Variants in ROBO1 observed in about 807,000 individuals in gnomAD.
ROBO1 encodes the protein roundabout homolog 1.
A neutral mutation model predicts 195.9 loss-of-function variants in ROBO1; 149 were observed. The observed-to-expected ratio is 0.76, with a 90% CI of 0.67 to 0.87. The LOEUF (loss-of-function observed/expected upper bound fraction) is 0.87. Among genes scored for constraint, ROBO1 ranks in the 40% least tolerant of loss-of-function variants. The pLI is 0.00. For synonymous variants in ROBO1, 816 were observed against 733.2 expected (o/e 1.11, Z -1.82); for missense variants, 1,933 against 2,068.3 (o/e 0.93, Z 1.27).
chr3:79,502,494 C>T (rs557627087), intron 2 of ROBO1, among the ~76,000 whole-genome samples: 7 of 152,118 alleles, frequency 4.6e-5, no homozygotes, highest in African/African-American at 1.7e-4. Context: ...AGTCTCCCCC[C>T]GCCCCTTCCC....
chr3:79,345,516 C>T (rs972045884), intron 2 of ROBO1, among the ~76,000 whole-genome samples: 3 of 152,096 alleles, frequency 2.0e-5, no homozygotes, highest in African/African-American at 7.2e-5. Context: ...TCACTTTTTA[C>T]TGCAGGGTCT....
chr3:79,698,881 A>G (rs1947525349), intron 1 of ROBO1, among the ~76,000 whole-genome samples: 1 of 151,544 alleles, frequency 6.6e-6, no homozygotes, highest in Admixed American at 6.6e-5. Context: ...GGAGATGTTG[A>G]AAGTGCTGAT....
At chr3:78,925,048 T>C (rs1440797406) in intron 4 of ROBO1, among the ~76,000 whole-genome samples, 2 of 152,056 alleles carry the variant, frequency 1.3e-5, no homozygotes, top group African/African-American at 2.4e-5. Flanking sequence ...TGCCTTTTAA[T>C]TGAGTTTCAA....
intron 3 of ROBO1, among the ~76,000 whole-genome samples, chr3:79,028,073 A>C (rs1262944660): frequency 1.3e-5 from 2 of 152,074 alleles, no homozygotes; most frequent in African/African-American, 4.8e-5. Flanking sequence ...ATTGTTAAGC[A>C]TACATACTAA....
chr3:79,564,740 C>T (rs1188838657), intron 2 of ROBO1, among the ~76,000 whole-genome samples: 2 of 151,960 alleles, frequency 1.3e-5, no homozygotes, highest in Non-Finnish European at 2.9e-5. Context: ...AATATATTGT[C>T]AATGGCTTGG....
intron 4 of ROBO1, among the ~76,000 whole-genome samples, chr3:78,801,576 TG>T (rs1332796512): frequency 1.3e-5 from 2 of 152,070 alleles, no homozygotes; most frequent in Non-Finnish European, 2.9e-5. Flanking sequence ...AAAATATAAT[TG>T]CTGTAAATGG....
chr3:79,104,593 C>G (rs536533530), intron 3 of ROBO1, among the ~76,000 whole-genome samples: 3 of 151,618 alleles, frequency 2.0e-5, no homozygotes, highest in Non-Finnish European at 3.0e-5. Flanking sequence ...GCATGAGTCA[C>G]TTGTCCAGCG....
chr3:79,449,010 G>A (rs938874498), intron 2 of ROBO1, among the ~76,000 whole-genome samples: 1 of 152,042 alleles, frequency 6.6e-6, no homozygotes. Flanking sequence ...CAGGAGGATC[G>A]CTTGAGACCA....
intron 5 of ROBO1, among the ~76,000 whole-genome samples, chr3:78,720,950 T>TGGGGGGGGGG (rs1218794618): frequency 7.8e-6 from 1 of 127,766 alleles, no homozygotes; most frequent in African/African-American, 3.0e-5. Context: ...GTTGTGGGGT[T>TGGGGGGGGGG]GGGGGGGGGG....
chr3:78,972,036 G>C (rs956881214), intron 3 of ROBO1, among the ~76,000 whole-genome samples: 1 of 152,206 alleles, frequency 6.6e-6, no homozygotes, highest in African/African-American at 2.4e-5. Context: ...AAAGTGCTGG[G>C]ATTACAGGCG....
chr3:78,985,513 T>C (rs1268197336), intron 3 of ROBO1, among the ~76,000 whole-genome samples: 1 of 152,152 alleles, frequency 6.6e-6, no homozygotes, highest in Non-Finnish European at 1.5e-5. Context: ...CTGGCCCCAG[T>C]GTTGTTCTAG....
chr3:79,401,285 G>A (rs1035197279), intron 2 of ROBO1, among the ~76,000 whole-genome samples: 5 of 151,868 alleles, frequency 3.3e-5, no homozygotes, highest in South Asian at 2.1e-4. Flanking sequence ...GATCTAAGAC[G>A]TGTGGCTAAT....
At position 79,389,074 on chromosome 3, in the gene ROBO1, A is replaced by G. The variant is rs144266541; in HGVS notation, c.88+200750T>C. On this transcript the variant is annotated intron_variant, in intron 2 of 30. Coordinates refer to ENST00000464233, the MANE Select transcript of ROBO1 (RefSeq NM_002941.4). ...ATATATTTAGTATGATTTCAAGTAT[A>G]CTCTAAAATTTGGATGGGAGCAAGA... Among the ~76,000 whole-genome samples the G allele has an allele frequency of 2.1e-3, 317 of 152,130 alleles. 1 individual carries two copies. The highest frequency in any genetic ancestry group is 7.2e-3 in the African/African-American group (301 of 41,548).
At chr3:79,514,847 A>C (rs1328880695) in intron 2 of ROBO1, among the ~76,000 whole-genome samples, 1 of 152,314 alleles carries the variant, frequency 6.6e-6, no homozygotes, top group East Asian at 1.9e-4. Context: ...CTTTTATGGA[A>C]TCTAAGGAAA....
intron 4 of ROBO1, among the ~76,000 whole-genome samples, chr3:78,899,369 ACTG>A (rs2037446975): frequency 6.6e-6 from 1 of 152,218 alleles, no homozygotes; most frequent in East Asian, 1.9e-4. Context: ...AATAGAAGTG[ACTG>A]CTATTAAATG....
At chr3:79,419,804 T>C (rs1488360881) in intron 2 of ROBO1, among the ~76,000 whole-genome samples, 4 of 152,146 alleles carry the variant, frequency 2.6e-5, no homozygotes, top group Non-Finnish European at 5.9e-5. Flanking sequence ...ATTTGGATTT[T>C]TATTAAATAG....
intron 21 of ROBO1, among the ~76,000 whole-genome samples, chr3:78,642,287 A>G (rs970530947): frequency 4.6e-5 from 7 of 152,160 alleles, no homozygotes; most frequent in African/African-American, 1.7e-4. Context: ...TTCTCTTGCT[A>G]TTCCAATCAC....
intron 4 of ROBO1, among the ~76,000 whole-genome samples, chr3:78,858,052 T>G (rs2034561650): frequency 6.6e-6 from 1 of 152,104 alleles, no homozygotes; most frequent in Non-Finnish European, 1.5e-5. Flanking sequence ...ATCGGATGCC[T>G]CCAGCTCCCA....
chr3:78,965,999 C>T (rs1013518791), intron 3 of ROBO1, among the ~76,000 whole-genome samples: 3 of 152,142 alleles, frequency 2.0e-5, no homozygotes, highest in Admixed American at 1.3e-4. Flanking sequence ...CCAGGGGTCC[C>T]CAATCCCCAG....
Sources: allele counts gnomAD v4.1 joint callset (sites outside exome capture counted in the v4.1 genomes callset), GRCh38; gene constraint gnomAD v4.1.1; transcripts MANE v1.5; gene names NCBI Gene and HGNC (gene_info 2026-07-23, HGNC 2026-07-21).